Variants in DISC1 observed in about 807,000 individuals in gnomAD.
DISC1 encodes the protein disrupted in schizophrenia 1 protein.
A neutral mutation model predicts 84.5 loss-of-function variants in DISC1; 57 were observed. That is an observed-to-expected ratio of 0.67 (90% CI 0.55 to 0.84). The LOEUF (loss-of-function observed/expected upper bound fraction) is 0.84. DISC1 is among the 40% of genes least tolerant of loss of function. The pLI is 0.00. For synonymous variants in DISC1, 411 were observed against 415.2 expected (o/e 0.99, Z 0.12); for missense variants, 1,000 against 1,057.8 (o/e 0.95, Z 0.76).
intron 9 of DISC1, among the ~76,000 whole-genome samples, chr1:231,916,654 CAAAAAAAAA>C (rs3083755): frequency 2.9e-5 from 3 of 102,084 alleles, no homozygotes; most frequent in Non-Finnish European, 6.4e-5. Flanking sequence ...GACTCCGTCT[CAAAAAAAAA>C]AAAAAAAAAA....
intron 5 of DISC1, among the ~76,000 whole-genome samples, chr1:231,768,990 G>A (rs193206194): frequency 2.0e-5 from 3 of 152,298 alleles, no homozygotes; most frequent in Admixed American, 6.5e-5. Context: ...GAGGGCAGCT[G>A]GAGGCCCATG....
At chr1:231,994,889 G>T (rs1019306589) in intron 10 of DISC1, among the ~76,000 whole-genome samples, 17 of 152,148 alleles carry the variant, frequency 1.1e-4, no homozygotes, top group Admixed American at 2.6e-4. Flanking sequence ...GCTATCCATT[G>T]TGTTCTAAGG....
chr1:231,722,749 C>G, intron 3 of DISC1: 1 of 1,515,662 alleles, frequency 6.6e-7, no homozygotes, highest in Non-Finnish European at 8.8e-7. Context: ...ATTCCTCTCC[C>G]TTTTAACATT....
At chr1:231,669,757 T>C (rs1278307302) in intron 1 of DISC1, among the ~76,000 whole-genome samples, 3 of 151,902 alleles carry the variant, frequency 2.0e-5, no homozygotes, top group Non-Finnish European at 4.4e-5. Flanking sequence ...AAAAAAACGC[T>C]TATATGCTGT....
intron 9 of DISC1, among the ~76,000 whole-genome samples, chr1:231,916,489 C>T (rs1283744869): frequency 1.3e-5 from 2 of 151,534 alleles, no homozygotes; most frequent in Non-Finnish European, 2.9e-5. Context: ...CCCGTCTCTA[C>T]TAAAAATACA....
At chr1:231,742,273 A>G (rs2073384309) in intron 3 of DISC1, among the ~76,000 whole-genome samples, 1 of 152,112 alleles carries the variant, frequency 6.6e-6, no homozygotes, top group Admixed American at 6.5e-5. Context: ...CATTCGGGGA[A>G]CCCAGAGAGC....
intron 9 of DISC1, among the ~76,000 whole-genome samples, chr1:231,837,065 C>G (rs17768115): frequency 0.18 from 27,914 of 151,628 alleles, 2,783 homozygotes; most frequent in Non-Finnish European, 0.21. Context: ...AATAAATGCT[C>G]TCTTTAGTAT....
intron 9 of DISC1, among the ~76,000 whole-genome samples, chr1:231,880,140 C>T (rs188605023): frequency 1.3e-4 from 20 of 152,146 alleles, no homozygotes; most frequent in African/African-American, 4.3e-4. Context: ...ATCCTGTAAG[C>T]GGGACTGGTG....
chr1:231,705,020 T>G (rs913257197), intron 3 of DISC1, among the ~76,000 whole-genome samples: 1 of 151,644 alleles, frequency 6.6e-6, no homozygotes, highest in African/African-American at 2.4e-5. Flanking sequence ...ATAATAAAGC[T>G]ATACATAATA....
intron 9 of DISC1, among the ~76,000 whole-genome samples, chr1:231,861,452 GT>G (rs59522401): frequency 0.17 from 14,878 of 88,356 alleles, 817 homozygotes; most frequent in East Asian, 0.3. Flanking sequence ...ATTTTGACAA[GT>G]TTTTTTTTTT....
chr1:231,727,009 C>G (rs1382424292), intron 3 of DISC1, among the ~76,000 whole-genome samples: 2 of 152,094 alleles, frequency 1.3e-5, no homozygotes, highest in Non-Finnish European at 2.9e-5. Flanking sequence ...TTAAGGCTGG[C>G]ATAGTAATGC....
At chr1:231,839,397 G>A (rs1005836309) in intron 9 of DISC1, among the ~76,000 whole-genome samples, 3 of 152,196 alleles carry the variant, frequency 2.0e-5, no homozygotes, top group Non-Finnish European at 2.9e-5. Flanking sequence ...TAGTGCCCTA[G>A]CGTATCATAA....
chr1:231,999,556 C>A (rs545325331), intron 10 of DISC1, among the ~76,000 whole-genome samples: 3 of 152,126 alleles, frequency 2.0e-5, no homozygotes, highest in African/African-American at 4.8e-5. Flanking sequence ...CAAGAGGGAC[C>A]CTGCCACAAC....
intron 11 of DISC1, among the ~76,000 whole-genome samples, chr1:232,012,315 C>T (rs1235009628): frequency 6.6e-6 from 1 of 152,002 alleles, no homozygotes; most frequent in East Asian, 1.9e-4. Flanking sequence ...TGGAAGATAC[C>T]CAGTCAGAGA....
chr1:231,777,028 G>C (rs139787824), intron 6 of DISC1, among the ~76,000 whole-genome samples: 1 of 152,112 alleles, frequency 6.6e-6, no homozygotes, highest in African/African-American at 2.4e-5. Context: ...TTTTCCATTC[G>C]TGAAGATTGT....
intron 1 of DISC1, among the ~76,000 whole-genome samples, chr1:231,686,452 A>T (rs1299225449): frequency 6.6e-6 from 1 of 152,086 alleles, no homozygotes. Flanking sequence ...TAGGGCTTGG[A>T]CCCTCTGAAG....
intron 3 of DISC1, among the ~76,000 whole-genome samples, chr1:231,721,415 A>G (rs1338831042): frequency 6.6e-6 from 1 of 152,226 alleles, no homozygotes; most frequent in African/African-American, 2.4e-5. Flanking sequence ...ATTTGGCTTC[A>G]TGCTCCAAGT....
intron 1 of DISC1, among the ~76,000 whole-genome samples, chr1:231,647,718 G>A (rs903335755): frequency 1.3e-5 from 2 of 152,122 alleles, no homozygotes; most frequent in Non-Finnish European, 2.9e-5. Flanking sequence ...ATTTGTTTGT[G>A]TCCTCTTTTA....
intron 3 of DISC1, among the ~76,000 whole-genome samples, chr1:231,728,239 A>G (rs1351292970): frequency 6.6e-6 from 1 of 152,178 alleles, no homozygotes; most frequent in African/African-American, 2.4e-5. Context: ...TGCTAGCTTA[A>G]AGCATTATAA....
Sources: gnomAD v4.1 joint callset for allele counts (sites outside exome capture counted in the v4.1 genomes callset) on GRCh38, gnomAD v4.1.1 for gene constraint, MANE v1.5 for transcripts, NCBI Gene and HGNC (gene_info 2026-07-23, HGNC 2026-07-21) for gene names.